FANCI: variants seen among roughly 807,000 people sequenced by gnomAD.
The protein encoded by FANCI is FA complementation group I, also known as Fanconi anemia group I protein.
A neutral mutation model predicts 176.1 loss-of-function variants in FANCI; 156 were observed. The ratio of observed to expected loss-of-function variants is 0.89; its 90% CI spans 0.78 to 1.01. The LOEUF (loss-of-function observed/expected upper bound fraction) is 1.01. Ranked by LOEUF, FANCI falls within the 50% of genes least tolerant of loss-of-function variation. The probability of loss-of-function intolerance (pLI) is 0.00; values close to 1 mark genes in which losing one functional copy is unlikely to be tolerated. For missense variants in FANCI, 1,678 were observed against 1,534.1 expected, an observed-to-expected ratio of 1.09 and a Z score of -1.57; for synonymous variants, 613 against 541.7, an observed-to-expected ratio of 1.13 and a Z score of -1.83.
At chr15:89,281,137 T>C in intron 14 of FANCI, 33 bp from the exon 15 acceptor site, 1 of 1,608,996 alleles carries the variant, frequency 6.2e-7, no homozygotes, top group Non-Finnish European at 8.5e-7. Context: ...CTTTAGTTAT[T>C]TGAGACAACT....
chr15:89,298,865 A>G (rs1387944223), intron 24 of FANCI, among the ~76,000 whole-genome samples: 2 of 152,118 alleles, frequency 1.3e-5, no homozygotes, highest in African/African-American at 4.8e-5. Flanking sequence ...TTGAAAGCTC[A>G]CTCAACAAAA....
intron 6 of FANCI, 24 bp downstream of exon 6, chr15:89,261,902 C>T (rs747805195): frequency 6.2e-7 from 1 of 1,610,550 alleles, no homozygotes; most frequent in South Asian, 1.1e-5. Context: ...ATATGTATAA[C>T]TTTCTTAGGA....
At chr15:89,312,566 T>G (rs2055007308) in intron 34 of FANCI, among the ~76,000 whole-genome samples, 1 of 152,216 alleles carries the variant, frequency 6.6e-6, no homozygotes, top group Non-Finnish European at 1.5e-5. Context: ...AGGCCTGTAA[T>G]CCCAGCACTT....
rs148383654 is a variant in FANCI at position 89,270,716 on chromosome 15, T to C, written c.882+2191T>C. Among the ~76,000 whole-genome samples the C allele has an allele frequency of 4.3e-3, 648 of 152,320 alleles. 3 individuals are homozygous for C. The highest frequency in any genetic ancestry group is 0.015 in the African/African-American group (618 of 41,572). Reference sequence around the variant, plus strand: ...TGTACTTATTATTCATTACTGTCATTATTTGTTTTGAGCACAAAATTACCC... The same window carrying C: ...TGTACTTATTATTCATTACTGTCATCATTTGTTTTGAGCACAAAATTACCC... On this transcript the variant is annotated intron_variant, in intron 10 of 37. Coordinates refer to ENST00000310775, the MANE Select transcript of FANCI (RefSeq NM_001113378.2).
intron 8 of FANCI, 128 bp from the exon 9 acceptor site, chr15:89,264,394 G>A (rs2052849892): frequency 1.3e-6 from 1 of 782,522 alleles, no homozygotes; most frequent in Non-Finnish European, 2.2e-6. Flanking sequence ...TTCTTAGTTT[G>A]AGTCTAAGTC....
chr15:89,254,606 C>T (rs541332549), intron 2 of FANCI, among the ~76,000 whole-genome samples: 2 of 152,238 alleles, frequency 1.3e-5, no homozygotes, highest in Admixed American at 1.3e-4. Flanking sequence ...GAGTTTGAGA[C>T]CAGCTTGGAC....
At chr15:89,247,502 T>C (rs1567134275) in intron 1 of FANCI, 127 bp from the exon 2 acceptor site, 2 of 721,500 alleles carry the variant, frequency 2.8e-6, no homozygotes, top group Non-Finnish European at 5.0e-6. Flanking sequence ...TACTTAAAGA[T>C]AGTCCTAAGT....
At chr15:89,311,440 G>A (rs1596334183) in intron 34 of FANCI, among the ~76,000 whole-genome samples, 1 of 152,258 alleles carries the variant, frequency 6.6e-6, no homozygotes, top group Non-Finnish European at 1.5e-5. Context: ...CTTCTCTTCT[G>A]GCTCTAATTT....
intron 35 of FANCI, 95 bp downstream of exon 35, chr15:89,313,067 T>C (rs1330890126): frequency 6.8e-6 from 8 of 1,180,874 alleles, no homozygotes; most frequent in Non-Finnish European, 8.9e-6. Context: ...ACGTGTTGTA[T>C]GATTCCATTT....
chr15:89,286,155 G>C (rs1366844345), intron 18 of FANCI, among the ~76,000 whole-genome samples: 1 of 151,998 alleles, frequency 6.6e-6, no homozygotes, highest in East Asian at 1.9e-4. Flanking sequence ...ACCATGCCCA[G>C]CTGATTTTTG....
In FANCI at chr15:89,305,907, T is replaced by C. The variant is rs1048369793; in HGVS notation, c.3350-100T>C. On this transcript the variant is annotated intron_variant, in intron 31 of 37. Transcript: ENST00000310775. ...TGCATATTGAATGTTCGTTTTTCCA[T>C]AAAGACTTTCTAGTTAGTAGTAATC... 3.1e-6 allele frequency: 4 copies of C among 1,304,020 alleles called. No homozygotes were observed. The South Asian group carries it at 3.6e-5, about 12-fold the overall frequency. The allele number at this position is 1,304,020 out of a possible 1,614,324, so 80.8% of individuals were successfully genotyped here. A position where few individuals can be genotyped will look rare whatever the true frequency, so the allele number is the denominator to read the frequency against.
chr15:89,278,634 C>A, intron 13 of FANCI, 53 bp from the exon 14 acceptor site: 1 of 1,414,238 alleles, frequency 7.1e-7, no homozygotes, highest in Non-Finnish European at 1.0e-6. Flanking sequence ...CATTGATATA[C>A]TTAAAAGCTG....
At chr15:89,312,713 G>A (rs59499939) in intron 34 of FANCI, among the ~76,000 whole-genome samples, 191 bp from the exon 35 acceptor site, 2 of 151,936 alleles carry the variant, frequency 1.3e-5, no homozygotes, top group South Asian at 2.1e-4. Flanking sequence ...CCAGCTACTC[G>A]GGAGGCTGAG....
rs2055291856 is a variant in FANCI, at chr15:89,317,041, T to G, written c.*582T>G. 2 of 597,928 alleles carry G rather than the reference T, an allele frequency of 3.3e-6. No homozygotes were observed. Among genetic ancestry groups the G allele is most frequent in the African/African-American group, 1.9e-5 (1 of 53,764 alleles). 37.0% of individuals were successfully genotyped at this position (597,928 alleles called of 1,614,324 possible). A position where few individuals can be genotyped will look rare whatever the true frequency, so the allele number is the denominator to read the frequency against. ...TTAAATAGAAAATAAGCTTTCTGATTTACTTGTTTGGTATTTAAAGCACAG... is the reference window on the plus strand; with the variant it reads ...TTAAATAGAAAATAAGCTTTCTGATGTACTTGTTTGGTATTTAAAGCACAG... On this transcript the variant is annotated 3_prime_UTR_variant, in exon 38 of 38. Coordinates refer to ENST00000310775, the MANE Select transcript of FANCI (RefSeq NM_001113378.2).
At chr15:89,314,134 C>T (rs930011743) in intron 35 of FANCI, among the ~76,000 whole-genome samples, 21 of 144,706 alleles carry the variant, frequency 1.5e-4, no homozygotes, top group African/African-American at 5.1e-4. Context: ...CACACAAAAA[C>T]GTAGGACCAC....
At chr15:89,272,331 A>G (rs2053231118) in intron 10 of FANCI, among the ~76,000 whole-genome samples, 1 of 152,154 alleles carries the variant, frequency 6.6e-6, no homozygotes, top group Non-Finnish European at 1.5e-5. Context: ...TGTATATTCT[A>G]CTGACAAGCT....
chr15:89,287,243 G>C (rs2053855806), intron 18 of FANCI, among the ~76,000 whole-genome samples: 1 of 152,174 alleles, frequency 6.6e-6, no homozygotes, highest in Non-Finnish European at 1.5e-5. Flanking sequence ...AAAGTGCTGG[G>C]ATTACAGGCG....
chr15:89,281,121 A>G (rs773031037), intron 14 of FANCI, 49 bp from the exon 15 acceptor site: 1 of 1,594,270 alleles, frequency 6.3e-7, no homozygotes, highest in Non-Finnish European at 8.6e-7. Context: ...CTTTTATTTC[A>G]GTTATCTTTA....
Position 89,263,298 on chromosome 15 carries a change from T to C in FANCI, c.504-121T>C, listed in dbSNP as rs2052794395. ...TGTTTTAAATGGTATTTATTTGATC[T>C]TGTTTCTCGGTATTGCAAAATCAAA... is the stretch of plus-strand genomic sequence containing the variant. On this transcript the variant is annotated intron_variant, in intron 6 of 37. Transcript: ENST00000310775. 2.9e-5 allele frequency: 22 copies of C among 762,356 alleles called. No homozygotes were observed. The South Asian group carries it at 3.3e-4, about 11-fold the overall frequency. The allele number at this position is 762,356 out of a possible 1,614,324, so 47.2% of individuals were successfully genotyped here. A position where few individuals can be genotyped will look rare whatever the true frequency, so the allele number is the denominator to read the frequency against.
Sources: gnomAD v4.1 joint callset for allele counts (sites outside exome capture counted in the v4.1 genomes callset) on GRCh38, gnomAD v4.1.1 for gene constraint, MANE v1.5 for transcripts, NCBI Gene and HGNC (gene_info 2026-07-23, HGNC 2026-07-21) for gene names.